The following L3MBTL4 variants were observed in gnomAD, a reference collection of about 807,000 sequenced individuals.
L3MBTL4 encodes L3MBTL histone methyl-lysine binding protein 4, also known as lethal(3)malignant brain tumor-like protein 4.
L3MBTL4 carries 70 observed loss-of-function variants against 84.5 expected under a neutral mutation model. The observed-to-expected ratio is 0.83, with a 90% CI of 0.68 to 1.01. The LOEUF is 1.01. Among genes scored for constraint, L3MBTL4 ranks in the 50% least tolerant of loss-of-function variants. The pLI is 0.00. For missense variants in L3MBTL4, 715 were observed against 754.8 expected, an observed-to-expected ratio of 0.95 and a Z score of 0.62; for synonymous variants, 274 against 259.8, an observed-to-expected ratio of 1.05 and a Z score of -0.52.
intron 18 of L3MBTL4, among the ~76,000 whole-genome samples, chr18:5,958,081 A>C (rs1208147591): frequency 8.7e-4 from 49 of 56,396 alleles, no homozygotes; most frequent in Non-Finnish European, 1.3e-4. Flanking sequence ...AAGAAGAAGA[A>C]GAAGAAGAAG....
chr18:6,235,042 A>C (rs531000671), intron 10 of L3MBTL4, among the ~76,000 whole-genome samples: 11 of 152,304 alleles, frequency 7.2e-5, no homozygotes, highest in African/African-American at 2.4e-4. Flanking sequence ...GCTGGAAACC[A>C]TCATTCTGAG....
At chr18:6,100,520 T>A (rs1206554897) in intron 14 of L3MBTL4, among the ~76,000 whole-genome samples, 1 of 152,216 alleles carries the variant, frequency 6.6e-6, no homozygotes, top group African/African-American at 2.4e-5. Context: ...AAGTTGAAAT[T>A]TTCCTGGTTC....
chr18:6,275,940 T>A (rs1230067715), intron 4 of L3MBTL4, among the ~76,000 whole-genome samples: 1 of 152,178 alleles, frequency 6.6e-6, no homozygotes, highest in African/African-American at 2.4e-5. Context: ...TGTTCCTAAA[T>A]AAGATAGCTA....
intron 16 of L3MBTL4, among the ~76,000 whole-genome samples, chr18:6,077,196 T>C (rs2143107600): frequency 6.6e-6 from 1 of 152,292 alleles, no homozygotes; most frequent in Non-Finnish European, 1.5e-5. Context: ...CAAAGAATAA[T>C]TATCACTTGT....
intron 16 of L3MBTL4, among the ~76,000 whole-genome samples, chr18:6,033,845 T>C (rs547718900): frequency 4.5e-4 from 68 of 152,336 alleles, no homozygotes; most frequent in South Asian, 1.0e-3. Context: ...GTTCCAAAAT[T>C]ATATCTTTAT....
intron 1 of L3MBTL4, among the ~76,000 whole-genome samples, chr18:6,330,180 C>G (rs926523576): frequency 6.6e-6 from 1 of 152,194 alleles, no homozygotes; most frequent in Admixed American, 6.5e-5. Context: ...AAGTCCATGC[C>G]TAGGAGTGGA....
chr18:6,163,764 G>C (rs2043486187), intron 13 of L3MBTL4, among the ~76,000 whole-genome samples: 3 of 152,206 alleles, frequency 2.0e-5, no homozygotes, highest in Non-Finnish European at 2.9e-5. Context: ...TGACGCAGAA[G>C]ACAGGAAATT....
chr18:6,160,491 G>A (rs1175172217), intron 13 of L3MBTL4, among the ~76,000 whole-genome samples: 1 of 152,166 alleles, frequency 6.6e-6, no homozygotes, highest in African/African-American at 2.4e-5. Context: ...CAACACTTTG[G>A]GAGGCCAAGG....
At chr18:6,016,201 G>A (rs2054969874) in intron 16 of L3MBTL4, among the ~76,000 whole-genome samples, 1 of 152,148 alleles carries the variant, frequency 6.6e-6, no homozygotes, top group Admixed American at 6.5e-5. Context: ...TGTTTAGAGA[G>A]GAGGACTCTT....
intron 12 of L3MBTL4, among the ~76,000 whole-genome samples, chr18:6,179,590 A>G (rs1244127054): frequency 6.6e-6 from 1 of 152,186 alleles, no homozygotes; most frequent in Non-Finnish European, 1.5e-5. Flanking sequence ...ATCATAATCC[A>G]AGAGCAAGAG....
chr18:6,023,964 C>T (rs8094829), intron 16 of L3MBTL4, among the ~76,000 whole-genome samples: 7,267 of 152,240 alleles, frequency 0.048, 227 homozygotes, highest in Admixed American at 0.09. Flanking sequence ...TTTAAAAAAC[C>T]TACCTGTGTG....
intron 14 of L3MBTL4, among the ~76,000 whole-genome samples, chr18:6,105,331 A>G (rs2058968101): frequency 6.6e-6 from 1 of 151,584 alleles, no homozygotes; most frequent in Admixed American, 6.6e-5. Flanking sequence ...GCAGGATTAC[A>G]GGCACATGCC....
chr18:6,159,581 C>A (rs2043236077), intron 13 of L3MBTL4, among the ~76,000 whole-genome samples: 1 of 152,176 alleles, frequency 6.6e-6, no homozygotes, highest in African/African-American at 2.4e-5. Flanking sequence ...GTTGGAGATG[C>A]AAAGTGTTCC....
chr18:6,108,302 G>A (rs1447950714), intron 14 of L3MBTL4, among the ~76,000 whole-genome samples: 1 of 152,108 alleles, frequency 6.6e-6, no homozygotes, highest in East Asian at 1.9e-4. Context: ...CTGGCACTGA[G>A]GGGAAATAAT....
At chr18:6,054,635 G>A (rs1229892096) in intron 16 of L3MBTL4, among the ~76,000 whole-genome samples, 2 of 152,078 alleles carry the variant, frequency 1.3e-5, no homozygotes, top group Admixed American at 6.5e-5. Context: ...GCCCTGTGCT[G>A]CCCTTGCCTG....
At chr18:6,129,346 T>A (rs375763341) in intron 14 of L3MBTL4, among the ~76,000 whole-genome samples, 1 of 150,248 alleles carries the variant, frequency 6.7e-6, no homozygotes, top group African/African-American at 2.5e-5. Context: ...TGGATACTCT[T>A]AACAATTTAC....
chr18:6,237,981 G>A lies in L3MBTL4; in HGVS notation c.767C>T (p.Thr256Ile), dbSNP rs771506828. 11 of 1,613,952 alleles carry A rather than the reference G, an allele frequency of 6.8e-6. No individual in the cohort carries two copies. In the African/African-American group the frequency reaches 1.5e-4, roughly 22 times the overall value. ...PVGWCQENGR[T>I]LIAPQGYPNP... The stretch of plus-strand genomic sequence containing the variant: ...CCACTCACCTTGGGGTGCTATCAGA[G>A]TTCTTCCATTCTCCTGACACCAACC... The change falls in exon 10 of 19, where the codon ACT becomes ATT. Residue 256 changes from threonine (T) to isoleucine (I), a missense_variant. Transcript: ENST00000317931.
intron 1 of L3MBTL4, among the ~76,000 whole-genome samples, chr18:6,312,417 T>C (rs2050880869): frequency 6.6e-6 from 1 of 152,166 alleles, no homozygotes; most frequent in Non-Finnish European, 1.5e-5. Context: ...TATTTGCAAC[T>C]GAGCTCATCT....
chr18:6,194,699 C>T (rs1242385270), intron 12 of L3MBTL4, among the ~76,000 whole-genome samples: 2 of 152,146 alleles, frequency 1.3e-5, no homozygotes, highest in African/African-American at 4.8e-5. Context: ...AGAAGAGAAG[C>T]CAGCCCCCAG....
Sources: allele counts gnomAD v4.1 joint callset (sites outside exome capture counted in the v4.1 genomes callset), GRCh38; gene constraint gnomAD v4.1.1; transcripts MANE v1.5; gene names NCBI Gene and HGNC (gene_info 2026-07-23, HGNC 2026-07-21).